The following ATP2A3 variants were observed in gnomAD, a reference collection of about 807,000 sequenced individuals.
ATP2A3 encodes sarcoplasmic/endoplasmic reticulum calcium ATPase 3.
In ATP2A3, 61 loss-of-function variants were observed where a neutral mutation model predicts 106.8. That is an observed-to-expected ratio of 0.57 (90% CI 0.46 to 0.71). ATP2A3 has a LOEUF of 0.71. Among genes scored for constraint, ATP2A3 ranks in the 30% least tolerant of loss-of-function variants. ATP2A3 has a pLI of 0.00. For missense variants in ATP2A3, 1,201 were observed against 1,423.5 expected (o/e 0.84, Z 2.52); for synonymous variants, 611 against 609.3 (o/e 1.00, Z -0.04).
At chr17:3,931,975 T>C (rs2053127907) in intron 17 of ATP2A3, among the ~76,000 whole-genome samples, 1 of 152,140 alleles carries the variant, frequency 6.6e-6, no homozygotes, top group South Asian at 2.1e-4. Context: ...CCACTCTGAG[T>C]ATCGTTTCTC....
At position 3,925,214 on chromosome 17, in the gene ATP2A3, T is replaced by G. The variant is rs571316317; in HGVS notation, c.*208A>C. ...CCAGGAGAGTCCAGGAGACAGGAAT[T>G]ACAGACCTCCCAGGCCAGAAGGAAG... On this transcript the variant is annotated 3_prime_UTR_variant, in exon 21 of 21. Coordinates refer to ENST00000397041, the MANE Select transcript of ATP2A3 (RefSeq NM_005173.4). The surrounding 1 kb of genome is among the most constrained non-coding windows in gnomAD (Gnocchi z 4.2). The G allele has an allele frequency of 1.4e-6, 1 of 736,182 alleles. No homozygotes were observed. The highest frequency in any genetic ancestry group is 2.7e-5 in the East Asian group (1 of 36,928). 45.6% of individuals were successfully genotyped at this position (736,182 alleles called of 1,614,324 possible).
At chr17:3,950,839 G>T in intron 5 of ATP2A3, 66 bp from the exon 6 acceptor site, 2 of 1,516,154 alleles carry the variant, frequency 1.3e-6, no homozygotes, top group Non-Finnish European at 1.8e-6. Context: ...AAGCCAGAAG[G>T]GTTCCCAGAA....
Position 3,925,588 on chromosome 17 carries a change from C to T in ATP2A3, c.2981-147G>A, listed in dbSNP as rs564958540. ...CCTTAGTCCAGACCTCAGTCTACCC[C>T]AGCCCCACCGGACCCCCCAAGCTGC... On this transcript the variant is annotated intron_variant, in intron 20 of 20. Transcript: ENST00000397041. The surrounding 1 kb of genome is among the most constrained non-coding windows in gnomAD (Gnocchi z 4.2). The T allele has an allele frequency of 2.4e-5, 24 of 1,019,712 alleles. No homozygotes were observed. The highest frequency in any genetic ancestry group is 3.4e-5 in the Non-Finnish European group (23 of 679,582). The allele number at this position is 1,019,712 out of a possible 1,614,324, so 63.2% of individuals were successfully genotyped here. A position where few individuals can be genotyped will look rare whatever the true frequency, so the allele number is the denominator to read the frequency against.
At chr17:3,960,407 C>T (rs897118703) in intron 1 of ATP2A3, among the ~76,000 whole-genome samples, 7 of 152,262 alleles carry the variant, frequency 4.6e-5, no homozygotes, top group African/African-American at 7.2e-5. Context: ...GCTCACTGCA[C>T]ATGGGCCGCG....
rs911179637 is a variant in ATP2A3, at chr17:3,925,221, C to T, written c.*201G>A. On this transcript the variant is annotated 3_prime_UTR_variant, in exon 21 of 21. Coordinates refer to ENST00000397041, the MANE Select transcript of ATP2A3 (RefSeq NM_005173.4). The surrounding 1 kb of genome is among the most constrained non-coding windows in gnomAD (Gnocchi z 4.2). ...AGTCCAGGAGACAGGAATTACAGACCTCCCAGGCCAGAAGGAAGTGGGGAC... is the reference window on the plus strand; with the variant it reads ...AGTCCAGGAGACAGGAATTACAGACTTCCCAGGCCAGAAGGAAGTGGGGAC... The T allele has an allele frequency of 2.2e-5, 17 of 771,174 alleles. No homozygotes were observed. Among genetic ancestry groups the T allele is most frequent in the Middle Eastern group, 7.4e-4 (2 of 2,702 alleles). The allele number at this position is 771,174 out of a possible 1,614,324, so 47.8% of individuals were successfully genotyped here.
intron 7 of ATP2A3, among the ~76,000 whole-genome samples, chr17:3,949,712 T>G (rs1597645836): frequency 6.6e-6 from 1 of 152,308 alleles, no homozygotes; most frequent in South Asian, 2.1e-4. Flanking sequence ...TTTCAAAGAT[T>G]TGGTGTTAAG....
In ATP2A3 at chr17:3,925,600, A is replaced by AC. The variant is rs1378487838; in HGVS notation, c.2981-160dup. On this transcript the variant is annotated intron_variant, in intron 20 of 20. Transcript: ENST00000397041. This position sits in a 1 kb window ranked among gnomAD's most constrained non-coding sequence, Gnocchi z 4.2. Reference sequence around the variant, plus strand: ...CCTCAGTCTACCCCAGCCCCACCGGACCCCCCAAGCTGCATCCAGGATCCA... The same window carrying AC: ...CCTCAGTCTACCCCAGCCCCACCGGACCCCCCCAAGCTGCATCCAGGATCCA... Among the ~76,000 whole-genome samples the AC allele has an allele frequency of 1.4e-5, 2 of 138,546 alleles. No individual in the cohort carries two copies. Among genetic ancestry groups the AC allele is most frequent in the South Asian group, 5.0e-4 (2 of 4,024 alleles). The allele number at this position is 138,546 out of a possible 152,430, so 90.9% of individuals were successfully genotyped here.
At chr17:3,946,570 TC>T (rs1945087596) in intron 8 of ATP2A3, among the ~76,000 whole-genome samples, 1 of 151,624 alleles carries the variant, frequency 6.6e-6, no homozygotes, top group Non-Finnish European at 1.5e-5. Flanking sequence ...AAAAAAAAAA[TC>T]GCTATTAGTC....
At chr17:3,961,118 A>G (rs934406030) in intron 1 of ATP2A3, among the ~76,000 whole-genome samples, 3 of 152,198 alleles carry the variant, frequency 2.0e-5, no homozygotes, top group Non-Finnish European at 4.4e-5. Context: ...AAAAGATCAC[A>G]AGATCACAGC....
intron 8 of ATP2A3, 153 bp from the exon 9 acceptor site, chr17:3,945,301 G>T: frequency 1.6e-6 from 1 of 628,350 alleles, no homozygotes; most frequent in Non-Finnish European, 2.7e-6. Context: ...GAAATAGAAC[G>T]CAGGGTCCAG....
Position 3,926,009 on chromosome 17 carries a change from T to C in ATP2A3, c.2981-568A>G, listed in dbSNP as rs1009366155. On this transcript the variant is annotated intron_variant, in intron 20 of 20. Transcript: ENST00000397041. This position sits in a 1 kb window ranked among gnomAD's most constrained non-coding sequence, Gnocchi z 4.6. ...GTAAAGTCTAAGCCCGCCTGTAACC[T>C]CCCAGATCTGTCCCCAATACAACCA... Among the ~76,000 whole-genome samples the C allele has an allele frequency of 1.3e-5, 2 of 151,004 alleles. No homozygotes were observed. Among genetic ancestry groups the C allele is most frequent in the Non-Finnish European group, 3.0e-5 (2 of 67,728 alleles).
In ATP2A3 at chr17:3,929,229, A is replaced by G; in HGVS notation, c.2862+99T>C. On this transcript the variant is annotated intron_variant, in intron 19 of 20. Transcript: ENST00000397041. The surrounding 1 kb of genome is among the most constrained non-coding windows in gnomAD (Gnocchi z 4.3). ...CAGACCTCTCACCTCCCTCTCCTCCAGGTAGTTTCCATTGCAGGGGGGCCA... is the reference window on the plus strand; with the variant it reads ...CAGACCTCTCACCTCCCTCTCCTCCGGGTAGTTTCCATTGCAGGGGGGCCA... The G allele has an allele frequency of 8.9e-7, 1 of 1,127,760 alleles. No individual in the cohort carries two copies. The highest frequency in any genetic ancestry group is 1.3e-6 in the Non-Finnish European group (1 of 782,792). The allele number at this position is 1,127,760 out of a possible 1,614,324, so 69.9% of individuals were successfully genotyped here.
intron 4 of ATP2A3, 35 bp downstream of exon 4, chr17:3,951,546 G>GCCCCCCCCCCCCGACCC: frequency 4.5e-6 from 6 of 1,319,568 alleles, no homozygotes; most frequent in Non-Finnish European, 6.3e-6. Context: ...CTGGGAGACC[G>GCCCCCCCCCCCCGACCC]CCCCCCGCCC....
At chr17:3,958,871 C>T (rs186994620) in intron 1 of ATP2A3, among the ~76,000 whole-genome samples, 19,025 of 86,970 alleles carry the variant, frequency 0.22, 3,042 homozygotes, top group Middle Eastern at 0.33. Context: ...TATATATATA[C>T]ACACACACAC....
Position 3,941,307 on chromosome 17 carries a change from C to G in ATP2A3, c.1765-1G>C. The G allele has an allele frequency of 6.2e-7, 1 of 1,613,730 alleles. No homozygotes were observed. Among genetic ancestry groups the G allele is most frequent in the Non-Finnish European group, 8.5e-7 (1 of 1,179,882 alleles). ...CGCAGCCCACGAAGGTCAGGTCCGTCTGTAGGGAGGGGGCAGATTCAAGCG... is the reference window on the plus strand; with the variant it reads ...CGCAGCCCACGAAGGTCAGGTCCGTGTGTAGGGAGGGGGCAGATTCAAGCG... On this transcript the variant is annotated splice_acceptor_variant, in intron 13 of 20. Coordinates refer to ENST00000397041, the MANE Select transcript of ATP2A3 (RefSeq NM_005173.4). LOFTEE classifies it high-confidence loss of function.
At chr17:3,943,003 G>A (rs2053869589) in intron 11 of ATP2A3, among the ~76,000 whole-genome samples, 1 of 152,032 alleles carries the variant, frequency 6.6e-6, no homozygotes, top group South Asian at 2.1e-4. Context: ...TTACTTCACC[G>A]TCAGCCAGGA....
Position 3,947,276 on chromosome 17 carries a change from C to T in ATP2A3, c.1095+115G>A. Reference sequence around the variant, plus strand: ...CCTGGACCTGCTCTGGGCCAAGGGACAGCCCACAGATTCTCTCCTCCATCC... The same window carrying T: ...CCTGGACCTGCTCTGGGCCAAGGGATAGCCCACAGATTCTCTCCTCCATCC... On this transcript the variant is annotated intron_variant, in intron 8 of 20. Transcript: ENST00000397041. This position sits in a 1 kb window ranked among gnomAD's most constrained non-coding sequence, Gnocchi z 7.7. The T allele has an allele frequency of 7.7e-7, 1 of 1,291,206 alleles. No individual in the cohort carries two copies. The allele number at this position is 1,291,206 out of a possible 1,614,324, so 80.0% of individuals were successfully genotyped here. A position where few individuals can be genotyped will look rare whatever the true frequency, so the allele number is the denominator to read the frequency against.
rs1464849272 is a variant in ATP2A3, at chr17:3,953,032, G to C, written c.219+315C>G. 2.6e-5 allele frequency among the ~76,000 whole-genome samples: 4 copies of C among 152,212 alleles called. No homozygotes were observed. The highest frequency in any genetic ancestry group is 9.6e-5 in the African/African-American group (4 of 41,456). ...AAGAATGATCTGGTCTAAACTATCA[G>C]TAGTGCTGAGGCAGAGAAACCCTAG... On this transcript the variant is annotated intron_variant, in intron 3 of 20. Coordinates refer to ENST00000397041, the MANE Select transcript of ATP2A3 (RefSeq NM_005173.4). This position sits in a 1 kb window ranked among gnomAD's most constrained non-coding sequence, Gnocchi z 5.1.
Position 3,925,205 on chromosome 17 carries a change from G to A in ATP2A3, c.*217C>T. The stretch of plus-strand genomic sequence containing the variant: ...GGGAACTTCCCAGGAGAGTCCAGGA[G>A]ACAGGAATTACAGACCTCCCAGGCC... On this transcript the variant is annotated 3_prime_UTR_variant, in exon 21 of 21. Coordinates refer to ENST00000397041, the MANE Select transcript of ATP2A3 (RefSeq NM_005173.4). This position sits in a 1 kb window ranked among gnomAD's most constrained non-coding sequence, Gnocchi z 4.2. 1 of 696,394 alleles carries A rather than the reference G, an allele frequency of 1.4e-6. No homozygotes were observed. The highest frequency in any genetic ancestry group is 2.4e-6 in the Non-Finnish European group (1 of 411,700). 43.1% of individuals were successfully genotyped at this position (696,394 alleles called of 1,614,324 possible).
Sources: allele counts gnomAD v4.1 joint callset (sites outside exome capture counted in the v4.1 genomes callset), GRCh38; gene constraint gnomAD v4.1.1; non-coding constraint Gnocchi (gnomAD v3.1); transcripts MANE v1.5; gene names NCBI Gene and HGNC (gene_info 2026-07-23, HGNC 2026-07-21).